Variants in PRELID2 observed in about 807,000 individuals in gnomAD.
The protein encoded by PRELID2 is PRELI domain containing 2, also known as PRELI domain-containing protein 2.
A neutral mutation model predicts 28.4 loss-of-function variants in PRELID2; 25 were observed. That is an observed-to-expected ratio of 0.88 (90% confidence interval 0.64 to 1.23). The LOEUF is 1.23. Among genes scored for constraint, PRELID2 ranks in the 50% most tolerant of loss-of-function variants. PRELID2 has a pLI of 0.00. For missense variants in PRELID2, 201 were observed against 214.4 expected (o/e 0.94, Z 0.39); for synonymous variants, 76 against 71.6 (o/e 1.06, Z -0.31).
intron 1 of PRELID2, among the ~76,000 whole-genome samples, chr5:145,579,052 T>G (rs1753085666): frequency 6.6e-6 from 1 of 152,020 alleles, no homozygotes; most frequent in African/African-American, 2.4e-5. Context: ...AGTGATGCAT[T>G]TAATAACTCT....
the PRELID2 span, among the ~76,000 whole-genome samples, chr5:145,302,031 T>A: frequency 6.6e-6 from 1 of 150,394 alleles, no homozygotes; most frequent in Non-Finnish European, 1.5e-5. Context: ...ATGGCCAAGA[T>A]GTTCATTAGT....
intron 1 of PRELID2, among the ~76,000 whole-genome samples, chr5:145,477,257 C>T (rs974122496): frequency 6.6e-6 from 1 of 152,162 alleles, no homozygotes; most frequent in Non-Finnish European, 1.5e-5. Context: ...AAGGCTTTTT[C>T]TCAAAGCTCT....
the PRELID2 span, among the ~76,000 whole-genome samples, chr5:145,234,164 GC>G: frequency 9.2e-5 from 14 of 152,170 alleles, no homozygotes; most frequent in African/African-American, 3.4e-4. Context: ...ATACTTAGTA[GC>G]TTTACTTCAT....
the PRELID2 span, among the ~76,000 whole-genome samples, chr5:145,455,088 T>C: frequency 7.2e-5 from 11 of 152,194 alleles, no homozygotes. Context: ...GCCTAGGTTT[T>C]CTTCTTGGGT....
intron 1 of PRELID2, among the ~76,000 whole-genome samples, chr5:145,482,931 G>A (rs2126618743): frequency 6.6e-6 from 1 of 152,144 alleles, no homozygotes; most frequent in African/African-American, 2.4e-5. Context: ...CAGAGCTCAG[G>A]CGGTAATGCG....
At chr5:145,360,700 G>C in the PRELID2 span, among the ~76,000 whole-genome samples, 16 of 152,240 alleles carry the variant, frequency 1.1e-4, no homozygotes, top group Non-Finnish European at 1.6e-4. Flanking sequence ...TTTCCTTTTT[G>C]ACTTGGATTC....
intron 1 of PRELID2, among the ~76,000 whole-genome samples, chr5:145,639,537 G>A (rs1171635597): frequency 6.6e-6 from 1 of 152,132 alleles, no homozygotes; most frequent in Admixed American, 6.5e-5. Context: ...GGGCTCATAG[G>A]ATTATACTCT....
At chr5:145,634,718 C>A (rs1308978831) in intron 1 of PRELID2, among the ~76,000 whole-genome samples, 1 of 152,178 alleles carries the variant, frequency 6.6e-6, no homozygotes, top group Non-Finnish European at 1.5e-5. Context: ...TTCTTCCTCA[C>A]TAGAAACTCA....
At chr5:145,302,553 A>G in the PRELID2 span, among the ~76,000 whole-genome samples, 3 of 151,756 alleles carry the variant, frequency 2.0e-5, no homozygotes, top group Non-Finnish European at 4.4e-5. Flanking sequence ...TGTGCCTTTC[A>G]ATATAGATAG....
intron 1 of PRELID2, among the ~76,000 whole-genome samples, chr5:145,733,782 G>A (rs1756415891): frequency 6.6e-6 from 1 of 152,160 alleles, no homozygotes; most frequent in African/African-American, 2.4e-5. Context: ...CAGAATAGTG[G>A]TCCCTGAAAG....
chr5:145,743,672 CTG>C (rs1240729163), intron 1 of PRELID2, among the ~76,000 whole-genome samples: 7 of 152,144 alleles, frequency 4.6e-5, no homozygotes, highest in African/African-American at 1.4e-4. Flanking sequence ...TTCCACGAAA[CTG>C]TGCAACCCGT....
In PRELID2 at chr5:145,647,680, G is replaced by A. The variant is rs547577434; in HGVS notation, n.70+117251C>T. ...AGGCCCTGGTGGCAAAGGCACCGGA[G>A]GGAATCTCCTGCTCTGTGGGTTGCA... On this transcript the variant is annotated intron_variant and non_coding_transcript_variant, in intron 1 of 2. Transcript: ENST00000510259. Among the ~76,000 whole-genome samples, 4 of 152,324 alleles carry A rather than the reference G, an allele frequency of 2.6e-5. No homozygotes were observed. In the East Asian group the frequency reaches 7.7e-4, roughly 29 times the overall value.
chr5:145,374,389 C>T, the PRELID2 span, among the ~76,000 whole-genome samples: 2 of 152,046 alleles, frequency 1.3e-5, no homozygotes. Context: ...GGTGACCTGG[C>T]CTTTCACTCT....
At chr5:145,512,327 G>A (rs563400072) in intron 1 of PRELID2, among the ~76,000 whole-genome samples, 16 of 152,202 alleles carry the variant, frequency 1.1e-4, no homozygotes, top group African/African-American at 2.6e-4. Flanking sequence ...GTGGGGAGTC[G>A]CCTCACTTGG....
At chr5:145,794,837 A>C (rs1479631985) in intron 5 of PRELID2, among the ~76,000 whole-genome samples, 1 of 152,134 alleles carries the variant, frequency 6.6e-6, no homozygotes, top group African/African-American at 2.4e-5. Context: ...TTGATGCATC[A>C]AATACAGACC....
At chr5:145,253,845 A>AC in the PRELID2 span, among the ~76,000 whole-genome samples, 3,950 of 152,006 alleles carry the variant, frequency 0.026, 154 homozygotes, top group African/African-American at 0.091. Context: ...AAACAAAAAA[A>AC]ACAAAAAAAA....
At chr5:145,496,823 T>A (rs1752314015) in intron 1 of PRELID2, among the ~76,000 whole-genome samples, 1 of 152,110 alleles carries the variant, frequency 6.6e-6, no homozygotes, top group African/African-American at 2.4e-5. Flanking sequence ...TGTCTTGGTG[T>A]CTGCTTTTCA....
chr5:145,652,099 T>A (rs927231923), intron 1 of PRELID2, among the ~76,000 whole-genome samples: 10 of 152,058 alleles, frequency 6.6e-5, no homozygotes, highest in African/African-American at 2.2e-4. Flanking sequence ...GAGAACTACA[T>A]GATGAATGCA....
At chr5:145,804,830 G>C (rs1753387808) in intron 4 of PRELID2, among the ~76,000 whole-genome samples, 1 of 152,144 alleles carries the variant, frequency 6.6e-6, no homozygotes, top group Non-Finnish European at 1.5e-5. Flanking sequence ...CTGAGTTGAT[G>C]GCGAAGCTTC....
Sources: gnomAD v4.1 joint callset for allele counts (sites outside exome capture counted in the v4.1 genomes callset) on GRCh38, gnomAD v4.1.1 for gene constraint, MANE v1.5 for transcripts, NCBI Gene and HGNC (gene_info 2026-07-23, HGNC 2026-07-21) for gene names.